The following SAMD12 variants were observed in gnomAD, a reference collection of about 807,000 sequenced individuals.
The protein encoded by SAMD12 is sterile alpha motif domain-containing protein 12.
SAMD12 carries 9 observed loss-of-function variants against 15.0 expected under a neutral mutation model. The ratio of observed to expected loss-of-function variants is 0.60; its 90% CI spans 0.36 to 1.05. The LOEUF is 1.05. SAMD12 is among the 50% of genes least tolerant of loss of function. The pLI, the probability that SAMD12 is intolerant of heterozygous loss-of-function variation, is 0.01. For missense variants in SAMD12, 230 were observed against 234.2 expected, an observed-to-expected ratio of 0.98 and a Z score of 0.12; for synonymous variants, 86 against 90.1, an observed-to-expected ratio of 0.96 and a Z score of 0.25.
At chr8:118,486,414 T>TA (rs34633261) in intron 2 of SAMD12, among the ~76,000 whole-genome samples, 1,677 of 112,836 alleles carry the variant, frequency 0.015, 30 homozygotes, top group African/African-American at 0.053. Flanking sequence ...AGAATCCGTC[T>TA]AAAAAAAAAA....
exon 5 of SAMD12, chr8:118,192,940 T>C (rs1819450078): frequency 6.6e-6 from 1 of 152,298 alleles, no homozygotes; most frequent in East Asian, 1.9e-4. Flanking sequence ...ACGTGGCAAA[T>C]TGAACTTCAG....
At position 118,378,986 on chromosome 8, in the gene SAMD12, T is replaced by A; in HGVS notation, c.*431A>T. The A allele has an allele frequency of 1.0e-6, 1 of 974,286 alleles. No homozygotes were observed. The highest frequency in any genetic ancestry group is 1.2e-6 in the Non-Finnish European group (1 of 817,010). The allele number at this position is 974,286 out of a possible 1,614,324, so 60.4% of individuals were successfully genotyped here. A position where few individuals can be genotyped will look rare whatever the true frequency, so the allele number is the denominator to read the frequency against. On this transcript the variant is annotated 3_prime_UTR_variant, in exon 4 of 4. Coordinates refer to ENST00000314727, the MANE Select transcript of SAMD12 (RefSeq NM_207506.3). ...ATTATTCCACTTTCAAGAAGCTAAA[T>A]GGGGTTCTTACAATCTCTAAAGTGT...
chr8:118,141,469 T>A, the SAMD12 span, among the ~76,000 whole-genome samples: 1 of 152,076 alleles, frequency 6.6e-6, no homozygotes, highest in African/African-American at 2.4e-5. Context: ...GAGATCCACA[T>A]TGCTGATAAA....
At chr8:118,500,358 G>A (rs879746095) in intron 2 of SAMD12, among the ~76,000 whole-genome samples, 5 of 151,648 alleles carry the variant, frequency 3.3e-5, no homozygotes, top group Non-Finnish European at 7.4e-5. Flanking sequence ...GATTATAGGC[G>A]TGAGCCACTG....
intron 1 of SAMD12, among the ~76,000 whole-genome samples, chr8:118,604,162 C>G (rs1568484): frequency 6.6e-6 from 1 of 152,152 alleles, no homozygotes; most frequent in African/African-American, 2.4e-5. Flanking sequence ...GTTACCTACC[C>G]AGAGCCTGTT....
chr8:118,295,221 T>G (rs866330952), intron 4 of SAMD12, among the ~76,000 whole-genome samples: 1 of 152,334 alleles, frequency 6.6e-6, no homozygotes. Flanking sequence ...AAATTATTGC[T>G]TTGTTGTTTG....
chr8:118,491,896 G>A (rs1353180656), intron 2 of SAMD12, among the ~76,000 whole-genome samples: 3 of 152,088 alleles, frequency 2.0e-5, no homozygotes, highest in African/African-American at 2.4e-5. Context: ...TGAAGAAAGC[G>A]GCTGTGAATA....
At chr8:118,318,246 T>A (rs1229689496) in intron 4 of SAMD12, among the ~76,000 whole-genome samples, 16 of 149,580 alleles carry the variant, frequency 1.1e-4, no homozygotes, top group Admixed American at 1.1e-3. Flanking sequence ...TGCACACATA[T>A]GTTTATTGCA....
intron 2 of SAMD12, among the ~76,000 whole-genome samples, chr8:118,550,012 G>A (rs1158222919): frequency 6.6e-6 from 1 of 152,176 alleles, no homozygotes; most frequent in African/African-American, 2.4e-5. Flanking sequence ...AAACCTCCAA[G>A]AAATATGGGA....
intron 2 of SAMD12, among the ~76,000 whole-genome samples, chr8:118,465,183 AG>A (rs1334342675): frequency 2.6e-5 from 4 of 152,194 alleles, no homozygotes; most frequent in Non-Finnish European, 5.9e-5. Flanking sequence ...GTGGGGGAAG[AG>A]GGAAGGGAGG....
At chr8:118,396,819 T>C (rs1481295170) in intron 3 of SAMD12, among the ~76,000 whole-genome samples, 5 of 152,210 alleles carry the variant, frequency 3.3e-5, no homozygotes, top group Non-Finnish European at 5.9e-5. Flanking sequence ...CTAGAGCTTC[T>C]GTTGAGCCCA....
chr8:118,355,679 A>C (rs528034772), intron 4 of SAMD12, among the ~76,000 whole-genome samples: 1 of 152,238 alleles, frequency 6.6e-6, no homozygotes, highest in Non-Finnish European at 1.5e-5. Context: ...TTATGTACAC[A>C]GAAAGAAATT....
At position 118,240,416 on chromosome 8, in the gene SAMD12, TA is replaced by T. The variant is rs1292909387; in HGVS notation, c.434-42685del. On this transcript the variant is annotated intron_variant, in intron 4 of 4. Coordinates refer to the SAMD12 transcript ENST00000409003. ...GGATAACTCATACGAAATTTAAGAATACAGAAATTCATTTTTGGAGTCAGAC... is the reference window on the plus strand; with the variant it reads ...GGATAACTCATACGAAATTTAAGAATCAGAAATTCATTTTTGGAGTCAGAC... 5.9e-5 allele frequency among the ~76,000 whole-genome samples: 9 copies of T among 152,310 alleles called. 1 individual carries two copies. The highest frequency in any genetic ancestry group is 3.4e-3 in the Middle Eastern group (1 of 294).
chr8:118,534,973 A>G (rs1825797430), intron 2 of SAMD12, among the ~76,000 whole-genome samples: 1 of 152,210 alleles, frequency 6.6e-6, no homozygotes, highest in African/African-American at 2.4e-5. Flanking sequence ...TTCTCCATCC[A>G]GCCTTGTTCC....
intron 4 of SAMD12, among the ~76,000 whole-genome samples, chr8:118,290,171 G>C (rs1814285866): frequency 6.6e-6 from 1 of 152,136 alleles, no homozygotes; most frequent in Non-Finnish European, 1.5e-5. Context: ...TTGATATTAA[G>C]AAAATGTAAT....
Position 118,282,577 on chromosome 8 carries a change from G to C in SAMD12, c.434-84845C>G, listed in dbSNP as rs565096062. On this transcript the variant is annotated intron_variant, in intron 4 of 4. Coordinates refer to the SAMD12 transcript ENST00000409003. The stretch of plus-strand genomic sequence containing the variant: ...TCAGCAGTGAGTGCTGTAACTATAG[G>C]GGGGCTGGGGTGGTGGTGGTGGTGG... 9.8e-5 allele frequency among the ~76,000 whole-genome samples: 15 copies of C among 152,296 alleles called. No individual in the cohort carries two copies. In the East Asian group the frequency reaches 1.5e-3, roughly 16 times the overall value.
At chr8:118,531,364 A>G (rs1825680554) in intron 2 of SAMD12, among the ~76,000 whole-genome samples, 1 of 152,166 alleles carries the variant, frequency 6.6e-6, no homozygotes, top group African/African-American at 2.4e-5. Flanking sequence ...AGGTAGCGTG[A>G]TGCCTCCAGC....
intron 2 of SAMD12, among the ~76,000 whole-genome samples, chr8:118,479,538 TCTCCCACCGGGTCC>T (rs1824062831): frequency 6.6e-6 from 1 of 152,022 alleles, no homozygotes; most frequent in Non-Finnish European, 1.5e-5. Context: ...GATTCAATTA[TCTCCCACCGGGTCC>T]CTCCCACAAC....
intron 3 of SAMD12, among the ~76,000 whole-genome samples, chr8:118,399,187 TA>T (rs1269339514): frequency 7.8e-6 from 1 of 128,834 alleles, no homozygotes; most frequent in African/African-American, 3.1e-5. Flanking sequence ...CCAGGCCCGA[TA>T]AATTTTTTTT....
Sources: allele counts gnomAD v4.1 joint callset (sites outside exome capture counted in the v4.1 genomes callset), GRCh38; gene constraint gnomAD v4.1.1; transcripts MANE v1.5; gene names NCBI Gene and HGNC (gene_info 2026-07-23, HGNC 2026-07-21).